Variants in RGS7BP observed in about 807,000 individuals in gnomAD.
RGS7BP encodes regulator of G protein signaling 7 binding protein.
Under a neutral mutation model 31.3 loss-of-function variants are expected in RGS7BP, and 9 were observed. The ratio of observed to expected loss-of-function variants is 0.29; its 90% CI spans 0.17 to 0.50. The LOEUF is 0.50. RGS7BP is among the 20% of genes least tolerant of loss of function. RGS7BP has a pLI of 0.98. For missense variants in RGS7BP, 274 were observed against 322.0 expected, an observed-to-expected ratio of 0.85 and a Z score of 1.14; for synonymous variants, 115 against 120.1, an observed-to-expected ratio of 0.96 and a Z score of 0.28.
chr5:64,575,627 T>C (rs1311144009), intron 2 of RGS7BP, 147 bp from the exon 3 acceptor site: 14 of 1,340,974 alleles, frequency 1.0e-5, no homozygotes, highest in African/African-American at 1.5e-5. Context: ...ACATTGGTCA[T>C]TGGTTTGAAA....
chr5:64,515,727 CACACACAT>C (rs1433847415), intron 2 of RGS7BP, among the ~76,000 whole-genome samples: 1 of 151,742 alleles, frequency 6.6e-6, no homozygotes, highest in African/African-American at 2.4e-5. Flanking sequence ...CACACACACA[CACACACAT>C]ATAATGCACA....
chr5:64,596,701 A>G (rs148214967), intron 4 of RGS7BP, among the ~76,000 whole-genome samples: 2 of 152,256 alleles, frequency 1.3e-5, no homozygotes, highest in Non-Finnish European at 2.9e-5. Context: ...ATGAGAGTGG[A>G]TTTGGAAAGT....
intron 5 of RGS7BP, among the ~76,000 whole-genome samples, chr5:64,604,401 C>A (rs980762897): frequency 2.6e-5 from 4 of 152,066 alleles, no homozygotes; most frequent in South Asian, 2.1e-4. Context: ...TTTCATGAAG[C>A]CTTATAGTTA....
chr5:64,581,050 C>A (rs183181125), intron 3 of RGS7BP, among the ~76,000 whole-genome samples: 1 of 151,938 alleles, frequency 6.6e-6, no homozygotes, highest in African/African-American at 2.4e-5. Flanking sequence ...CCTGTCTCTA[C>A]AAAAAATACA....
intron 5 of RGS7BP, among the ~76,000 whole-genome samples, chr5:64,602,430 C>G (rs181427399): frequency 6.6e-6 from 1 of 152,220 alleles, no homozygotes; most frequent in Non-Finnish European, 1.5e-5. Flanking sequence ...AGCTCCTACT[C>G]ACAAATGTGA....
chr5:64,530,693 T>C (rs1265601432), intron 2 of RGS7BP, among the ~76,000 whole-genome samples: 1 of 152,200 alleles, frequency 6.6e-6, no homozygotes, highest in African/African-American at 2.4e-5. Flanking sequence ...ATTTTACTTA[T>C]AACTGCCAAG....
intron 2 of RGS7BP, among the ~76,000 whole-genome samples, chr5:64,513,042 A>G (rs1009686858): frequency 1.3e-5 from 2 of 152,204 alleles, no homozygotes; most frequent in African/African-American, 2.4e-5. Flanking sequence ...TCCTCATTCC[A>G]TTATTCTACA....
chr5:64,515,103 A>G (rs573977063), intron 2 of RGS7BP, among the ~76,000 whole-genome samples: 32 of 152,258 alleles, frequency 2.1e-4, no homozygotes, highest in Admixed American at 4.6e-4. Flanking sequence ...TCATCTTTGC[A>G]CCCTGAGTGG....
chr5:64,506,805 GC>G lies in RGS7BP; in HGVS notation c.165+18del. The G allele has an allele frequency of 6.9e-7, 1 of 1,458,406 alleles. No individual in the cohort carries two copies. Among genetic ancestry groups the G allele is most frequent in the Non-Finnish European group, 9.2e-7 (1 of 1,084,642 alleles). 90.3% of individuals were successfully genotyped at this position (1,458,406 alleles called of 1,614,324 possible). A position where few individuals can be genotyped will look rare whatever the true frequency, so the allele number is the denominator to read the frequency against. On this transcript the variant is annotated intron_variant, in intron 1 of 5. Transcript: ENST00000334025. This position sits in a 1 kb window ranked among gnomAD's most constrained non-coding sequence, Gnocchi z 4.6. ...CTGCAAGATGGTGGGTGAAAACTGC[GC>G]CTCTTTTTTTTTTTTTTTAATTGAG...
At chr5:64,551,697 A>G (rs1356143037) in intron 2 of RGS7BP, among the ~76,000 whole-genome samples, 1 of 152,122 alleles carries the variant, frequency 6.6e-6, no homozygotes, top group African/African-American at 2.4e-5. Context: ...GGTCTGGAAA[A>G]CACAGCATGT....
At chr5:64,523,799 T>C (rs1353469588) in intron 2 of RGS7BP, among the ~76,000 whole-genome samples, 1 of 152,258 alleles carries the variant, frequency 6.6e-6, no homozygotes, top group African/African-American at 2.4e-5. Flanking sequence ...AAAGAAATTA[T>C]CATATTTGTT....
intron 4 of RGS7BP, 47 bp downstream of exon 4, chr5:64,594,904 A>G: frequency 6.3e-7 from 1 of 1,594,532 alleles, no homozygotes; most frequent in East Asian, 2.2e-5. Flanking sequence ...TCCTCCCGTT[A>G]ATGTTCTTAG....
intron 2 of RGS7BP, among the ~76,000 whole-genome samples, chr5:64,514,187 T>C (rs172061): frequency 0.29 from 44,279 of 152,146 alleles, 7,297 homozygotes; most frequent in Admixed American, 0.37. Flanking sequence ...ACAAGGACAG[T>C]AGTCATATTG....
chr5:64,583,760 T>C (rs1248512939), intron 3 of RGS7BP, among the ~76,000 whole-genome samples: 3 of 152,154 alleles, frequency 2.0e-5, no homozygotes, highest in Non-Finnish European at 2.9e-5. Flanking sequence ...GTTTGAAGAA[T>C]ATAAACATAA....
intron 2 of RGS7BP, among the ~76,000 whole-genome samples, chr5:64,547,795 T>C (rs1437592132): frequency 1.3e-5 from 2 of 152,156 alleles, no homozygotes; most frequent in Admixed American, 6.6e-5. Context: ...GTATAAGTAG[T>C]AAGTTTAGAG....
intron 2 of RGS7BP, among the ~76,000 whole-genome samples, chr5:64,535,562 A>G (rs1741330964): frequency 6.6e-6 from 1 of 152,246 alleles, no homozygotes; most frequent in African/African-American, 2.4e-5. Context: ...CTATAAAGAA[A>G]GAAAGAAAGG....
intron 2 of RGS7BP, among the ~76,000 whole-genome samples, chr5:64,519,754 A>T (rs946708944): frequency 2.0e-5 from 3 of 152,194 alleles, no homozygotes; most frequent in Admixed American, 6.5e-5. Flanking sequence ...AATGAATAGG[A>T]TTCATCTGAA....
chr5:64,527,606 T>TAAAAAAAAAAAAA (rs59081277), intron 2 of RGS7BP, among the ~76,000 whole-genome samples: 2 of 86,464 alleles, frequency 2.3e-5, no homozygotes, highest in African/African-American at 4.3e-5. Flanking sequence ...CTTATAACAG[T>TAAAAAAAAAAAAA]AAAAAAAAAA....
At chr5:64,587,485 A>T (rs150694007) in intron 3 of RGS7BP, among the ~76,000 whole-genome samples, 1 of 152,144 alleles carries the variant, frequency 6.6e-6, no homozygotes, top group African/African-American at 2.4e-5. Flanking sequence ...CATGGGAAAG[A>T]TTGCTGGAAC....
Sources: allele counts gnomAD v4.1 joint callset (sites outside exome capture counted in the v4.1 genomes callset), GRCh38; gene constraint gnomAD v4.1.1; non-coding constraint Gnocchi (gnomAD v3.1); transcripts MANE v1.5; gene names NCBI Gene and HGNC (gene_info 2026-07-23, HGNC 2026-07-21).